The following POLR2F variants were observed in gnomAD, a reference collection of about 807,000 sequenced individuals.
POLR2F encodes DNA-directed RNA polymerases I, II, and III subunit RPABC2.
Under a neutral mutation model 22.7 loss-of-function variants are expected in POLR2F, and 12 were observed. That is an observed-to-expected ratio of 0.53 (90% CI 0.34 to 0.86). POLR2F has a LOEUF of 0.86. Ranked by LOEUF, POLR2F falls within the 40% of genes least tolerant of loss-of-function variation. The pLI is 0.02. For missense variants in POLR2F, 126 were observed against 171.5 expected (o/e 0.73, Z 1.48); for synonymous variants, 57 against 66.0 (o/e 0.86, Z 0.66).
intron 1 of POLR2F, among the ~76,000 whole-genome samples, chr22:38,001,129 C>T (rs908667499): frequency 5.3e-5 from 8 of 152,174 alleles, no homozygotes; most frequent in Non-Finnish European, 1.2e-4. Context: ...CTCCTGAGAG[C>T]CCTTCTTTGC....
At position 37,980,567 on chromosome 22, in the gene POLR2F, A is replaced by C. The variant is rs1476543204; in HGVS notation, c.293+13397A>C. Among the ~76,000 whole-genome samples the C allele has an allele frequency of 6.7e-6, 1 of 149,866 alleles. No individual in the cohort carries two copies. Among genetic ancestry groups the C allele is most frequent in the Non-Finnish European group, 1.5e-5 (1 of 67,408 alleles). ...CCAGCTGTGCCGGACAGCTGATTCC[A>C]CCTCCACCCCAACCCCAAGCCCAGC... On this transcript the variant is annotated intron_variant, in intron 4 of 4. Coordinates refer to the POLR2F transcript ENST00000405557. This position sits in a 1 kb window ranked among gnomAD's most constrained non-coding sequence, Gnocchi z 4.1.
intron 1 of POLR2F, among the ~76,000 whole-genome samples, chr22:37,998,262 C>G (rs774134179): frequency 6.6e-6 from 1 of 152,252 alleles, no homozygotes; most frequent in Non-Finnish European, 1.5e-5. Context: ...CGCCTCATCT[C>G]TCCTCAGAGA....
intron 1 of POLR2F, chr22:37,987,817 T>C (rs180897469): frequency 6.2e-6 from 1 of 160,108 alleles, no homozygotes; most frequent in African/African-American, 2.4e-5. Flanking sequence ...CTGGACTGTG[T>C]GCCCTCCTAC....
At chr22:38,024,325 G>A (rs2084987628) in intron 1 of POLR2F, among the ~76,000 whole-genome samples, 1 of 152,080 alleles carries the variant, frequency 6.6e-6, no homozygotes, top group South Asian at 2.1e-4. Context: ...AACACATTTT[G>A]TTTATTCATT....
intron 5 of POLR2F, chr22:38,040,760 G>A (rs2085164502): frequency 6.8e-6 from 3 of 443,068 alleles, no homozygotes; most frequent in Non-Finnish European, 8.2e-6. Flanking sequence ...CTTTGTGAAC[G>A]AGGGCACTGG....
intron 1 of POLR2F, among the ~76,000 whole-genome samples, chr22:38,005,712 C>G (rs187740606): frequency 6.6e-6 from 1 of 152,308 alleles, no homozygotes; most frequent in Admixed American, 6.5e-5. Context: ...AGACCCAGAG[C>G]AGTACCCTCT....
At chr22:38,040,983 T>C in intron 5 of POLR2F, 1 of 1,600,740 alleles carries the variant, frequency 6.2e-7, no homozygotes, top group Non-Finnish European at 8.5e-7. Context: ...GATCAAAGGC[T>C]GAAGTTCTTC....
downstream of POLR2F, among the ~76,000 whole-genome samples, chr22:37,970,305 AAG>A (rs1491545619): frequency 6.7e-6 from 1 of 150,316 alleles, no homozygotes; most frequent in Non-Finnish European, 1.5e-5. Flanking sequence ...AAAAAAAAAA[AAG>A]AGTGGAGATA....
Position 37,953,743 on chromosome 22 carries a change from C to A in POLR2F, c.-45C>A, listed in dbSNP as rs373046307. ...TCGTAGTGTCGCTGTTTGCGGGTCT[C>A]CGCGCGGGACCGGGGCGCAGCGGGG... is the stretch of plus-strand genomic sequence containing the variant. On this transcript the variant is annotated 5_prime_UTR_variant, in exon 1 of 5. Transcript: ENST00000442738. The A allele has an allele frequency of 3.1e-6, 5 of 1,596,320 alleles. No homozygotes were observed. In the African/African-American group the frequency reaches 5.3e-5, roughly 17 times the overall value.
chr22:38,010,610 T>G (rs989955617), intron 1 of POLR2F, among the ~76,000 whole-genome samples: 2 of 131,796 alleles, frequency 1.5e-5, no homozygotes, highest in East Asian at 2.1e-4. Context: ...GTGTTTTTTT[T>G]TTTTTTTTTT....
At chr22:37,985,827 A>C (rs1223305177), upstream of POLR2F, among the ~76,000 whole-genome samples, 2 of 147,970 alleles carry the variant, frequency 1.4e-5, no homozygotes, top group Non-Finnish European at 3.0e-5. Flanking sequence ...GAACACACAC[A>C]CACACACACA....
At chr22:38,001,754 A>G (rs2084772023) in intron 1 of POLR2F, among the ~76,000 whole-genome samples, 1 of 151,892 alleles carries the variant, frequency 6.6e-6, no homozygotes, top group Non-Finnish European at 1.5e-5. Context: ...GCTGGTCTCC[A>G]TCTCCTGACC....
rs369473290 is a variant in POLR2F at position 37,978,473 on chromosome 22, A to C, written c.293+11303A>C. Among the ~76,000 whole-genome samples the C allele has an allele frequency of 8.1e-4, 123 of 152,230 alleles. No individual in the cohort carries two copies. Among genetic ancestry groups the C allele is most frequent in the Non-Finnish European group, 1.4e-3 (95 of 68,010 alleles). ...CAGATGCCAGTTCAAGGAAAGGAAA[A>C]ACTTTCTCATCATCAAAGCTGTCTG... On this transcript the variant is annotated intron_variant, in intron 4 of 4. Coordinates refer to the POLR2F transcript ENST00000405557. This position sits in a 1 kb window ranked among gnomAD's most constrained non-coding sequence, Gnocchi z 5.0.
chr22:37,960,773 T>G (rs1454346192), intron 3 of POLR2F, among the ~76,000 whole-genome samples: 3 of 152,026 alleles, frequency 2.0e-5, no homozygotes, highest in Non-Finnish European at 2.9e-5. Flanking sequence ...GACCTTGTGA[T>G]CCACCCGCCT....
upstream of POLR2F, chr22:37,983,824 C>T (rs2145778005): frequency 2.9e-6 from 4 of 1,372,266 alleles, no homozygotes; most frequent in Non-Finnish European, 3.8e-6. This position sits in a 1 kb window ranked among gnomAD's most constrained non-coding sequence, Gnocchi z 9.5. Context: ...CGGCCGCCTC[C>T]CCCGGGCCAG....
intron 5 of POLR2F, among the ~76,000 whole-genome samples, chr22:38,036,995 C>A (rs1195621987): frequency 1.3e-5 from 2 of 152,216 alleles, no homozygotes; most frequent in East Asian, 3.8e-4. Context: ...TAACATAACA[C>A]CCCTCCCATC....
chr22:38,032,538 G>C (rs1468271178), intron 5 of POLR2F: 1 of 152,274 alleles, frequency 6.6e-6, no homozygotes, highest in African/African-American at 2.4e-5. Flanking sequence ...CCACAGTCAG[G>C]CACATAGTCC....
chr22:37,973,439 G>A (rs1932118749), downstream of POLR2F: 2 of 1,194,404 alleles, frequency 1.7e-6, no homozygotes, highest in South Asian at 2.9e-5. Context: ...GCAAGGAACA[G>A]GGCACACAGG....
At chr22:38,000,604 T>G (rs2084760523) in intron 1 of POLR2F, among the ~76,000 whole-genome samples, 1 of 152,194 alleles carries the variant, frequency 6.6e-6, no homozygotes. Flanking sequence ...ACTAGGGTGG[T>G]TGGTGTCACC....
Sources: allele counts gnomAD v4.1 joint callset (sites outside exome capture counted in the v4.1 genomes callset), GRCh38; gene constraint gnomAD v4.1.1; non-coding constraint Gnocchi (gnomAD v3.1); transcripts MANE v1.5; gene names NCBI Gene and HGNC (gene_info 2026-07-23, HGNC 2026-07-21).